GALNTL5: variants seen among roughly 807,000 people sequenced by gnomAD.
GALNTL5 encodes the protein polypeptide N-acetylgalactosaminyltransferase like 5.
Under a neutral mutation model 51.0 loss-of-function variants are expected in GALNTL5, and 44 were observed. That is an observed-to-expected ratio of 0.86 (90% CI 0.68 to 1.11). The LOEUF (loss-of-function observed/expected upper bound fraction) is 1.11. Among genes scored for constraint, GALNTL5 ranks in the 50% least tolerant of loss-of-function variants. The pLI, the probability that GALNTL5 is intolerant of heterozygous loss-of-function variation, is 0.00. For synonymous variants in GALNTL5, 192 were observed against 182.8 expected, an observed-to-expected ratio of 1.05 and a Z score of -0.41; for missense variants, 528 against 531.8, an observed-to-expected ratio of 0.99 and a Z score of 0.07.
rs116169216 is a variant in GALNTL5, at chr7:152,003,831, A to G, written c.908+868A>G. 6.3e-3 allele frequency among the ~76,000 whole-genome samples: 955 copies of G among 152,360 alleles called. 6 individuals carry two copies. Among genetic ancestry groups the G allele is most frequent in the African/African-American group, 0.022 (904 of 41,582 alleles). ...TTTGTAATATTTCCATATCTCACAT[A>G]TAAAACATTTTTAGGCTCTAATGTA... On this transcript the variant is annotated intron_variant, in intron 6 of 8. Transcript: ENST00000392800.
At chr7:151,998,908 G>A (rs1481987747) in intron 5 of GALNTL5, among the ~76,000 whole-genome samples, 2 of 151,712 alleles carry the variant, frequency 1.3e-5, no homozygotes, top group African/African-American at 2.4e-5. Context: ...TAAAATTGAG[G>A]CACGATTAAC....
intron 3 of GALNTL5, among the ~76,000 whole-genome samples, chr7:151,981,482 C>T (rs1352753824): frequency 6.6e-6 from 1 of 152,134 alleles, no homozygotes; most frequent in South Asian, 2.1e-4. Flanking sequence ...CCTTGAGGCT[C>T]CAGCTGCTGC....
intron 5 of GALNTL5, among the ~76,000 whole-genome samples, chr7:151,990,399 T>C (rs2081411894): frequency 6.6e-6 from 1 of 151,180 alleles, no homozygotes; most frequent in Non-Finnish European, 1.5e-5. Flanking sequence ...GCTAACACAG[T>C]GAAACCCCTT....
At chr7:151,998,065 G>A (rs1175603761) in intron 5 of GALNTL5, among the ~76,000 whole-genome samples, 2 of 151,928 alleles carry the variant, frequency 1.3e-5, no homozygotes, top group Non-Finnish European at 2.9e-5. Context: ...AAAAGTAGGC[G>A]AGTGTGTTGG....
At chr7:152,014,135 T>TAC (rs2081775075) in intron 7 of GALNTL5, among the ~76,000 whole-genome samples, 2 of 152,224 alleles carry the variant, frequency 1.3e-5, no homozygotes, top group Admixed American at 1.3e-4. Context: ...TTCTGTGTCA[T>TAC]TGGGCAAACT....
rs2081207674 is a variant in GALNTL5 at position 151,976,528 on chromosome 7, A to G, written c.368+5463A>G. ...CTTGTATATCCTTAAAGGGGAAGTG[A>G]GTTTCTTATAGGCAGCATCAGTTAG... On this transcript the variant is annotated intron_variant, in intron 3 of 8. Transcript: ENST00000392800. Among the ~76,000 whole-genome samples the G allele has an allele frequency of 2.6e-5, 4 of 151,892 alleles. No individual in the cohort carries two copies. The South Asian group carries it at 8.3e-4, about 32-fold the overall frequency.
chr7:152,003,678 T>C (rs1295747847), intron 6 of GALNTL5, among the ~76,000 whole-genome samples: 1 of 152,238 alleles, frequency 6.6e-6, no homozygotes, highest in African/African-American at 2.4e-5. Flanking sequence ...AAATGTAATA[T>C]GTAGAAATCT....
chr7:151,967,139 A>T, intron 1 of GALNTL5, 69 bp from the exon 2 acceptor site: 2 of 984,198 alleles, frequency 2.0e-6, no homozygotes, highest in Non-Finnish European at 3.0e-6. Context: ...AATGGAATTT[A>T]AGCCAAGTAG....
At chr7:151,976,019 C>G (rs1425229245) in intron 3 of GALNTL5, among the ~76,000 whole-genome samples, 1 of 152,060 alleles carries the variant, frequency 6.6e-6, no homozygotes, top group African/African-American at 2.4e-5. Context: ...TTCCATGTGC[C>G]TCAGAGAAGA....
intron 6 of GALNTL5, among the ~76,000 whole-genome samples, chr7:152,006,098 G>C (rs747313544): frequency 1.1e-4 from 16 of 152,306 alleles, no homozygotes; most frequent in Middle Eastern, 3.4e-3. Flanking sequence ...CAACCAGGGA[G>C]GGAGGAGAAG....
At chr7:151,959,364 A>G (rs1045811618) in intron 1 of GALNTL5, among the ~76,000 whole-genome samples, 1 of 152,014 alleles carries the variant, frequency 6.6e-6, no homozygotes, top group Non-Finnish European at 1.5e-5. Flanking sequence ...AAACAGCTTT[A>G]TTCTCTTTTC....
At chr7:151,983,201 G>A in intron 4 of GALNTL5, 49 bp downstream of exon 4, 1 of 1,456,810 alleles carries the variant, frequency 6.9e-7, no homozygotes. Flanking sequence ...TGTTGTTGTT[G>A]AGATTTCCCT....
intron 7 of GALNTL5, among the ~76,000 whole-genome samples, chr7:152,010,612 AC>A (rs1266043391): frequency 6.6e-6 from 1 of 151,986 alleles, no homozygotes; most frequent in Non-Finnish European, 1.5e-5. Context: ...TTCTAATAAT[AC>A]AAAAATTAGC....
rs1404717627 is a variant in GALNTL5 at position 151,967,204 on chromosome 7, T to A, written c.-39-4T>A. 1.3e-6 allele frequency: 2 copies of A among 1,574,782 alleles called. No homozygotes were observed. The highest frequency in any genetic ancestry group is 2.7e-5 in the African/African-American group (2 of 73,606). ...GCTGCTCCTCTTAAATCATTCTGATTTAGGAAATTGAAAAATGGACCTTTG... is the reference window on the plus strand; with the variant it reads ...GCTGCTCCTCTTAAATCATTCTGATATAGGAAATTGAAAAATGGACCTTTG... On this transcript the variant is annotated splice_polypyrimidine_tract_variant and splice_region_variant and intron_variant, in intron 1 of 8. Coordinates refer to ENST00000392800, the MANE Select transcript of GALNTL5 (RefSeq NM_145292.4).
rs780397899 is a variant in GALNTL5 at position 151,967,338 on chromosome 7, A to G, written c.92A>G (p.His31Arg). ...ALLFIYLHHN[H>R]VSSWQKKSQE... Reference sequence around the variant, plus strand: ...TTATTCATATATTTGCACCATAATCATGTGAGCAGCTGGCAGAAGAAAAGC... The same window carrying G: ...TTATTCATATATTTGCACCATAATCGTGTGAGCAGCTGGCAGAAGAAAAGC... The change falls in exon 2 of 9, where the codon CAT becomes CGT. Residue 31 changes from histidine to arginine, a missense_variant. Physicochemically the swap from His to Arg is conservative, Grantham distance 29. Coordinates refer to ENST00000392800, the MANE Select transcript of GALNTL5 (RefSeq NM_145292.4). 2 of 1,614,204 alleles carry G rather than the reference A, an allele frequency of 1.2e-6. No individual in the cohort carries two copies. Among genetic ancestry groups the G allele is most frequent in the Non-Finnish European group, 1.7e-6 (2 of 1,180,032 alleles).
chr7:151,999,176 T>A (rs1315604359), intron 5 of GALNTL5, among the ~76,000 whole-genome samples: 1 of 152,230 alleles, frequency 6.6e-6, no homozygotes, highest in Admixed American at 6.5e-5. Context: ...ATTTTTGAGG[T>A]TCATCCACAT....
At chr7:151,976,111 G>A (rs573837116) in intron 3 of GALNTL5, among the ~76,000 whole-genome samples, 2 of 152,284 alleles carry the variant, frequency 1.3e-5, no homozygotes, top group African/African-American at 4.8e-5. Flanking sequence ...TTGAAGCCCA[G>A]TATTTCCTTA....
intron 3 of GALNTL5, among the ~76,000 whole-genome samples, chr7:151,979,106 C>CCT (rs1554405638): frequency 0.012 from 836 of 71,126 alleles, 60 homozygotes; most frequent in Admixed American, 0.015. Flanking sequence ...TACTTTTACT[C>CCT]TTTTTTTTTT....
At chr7:152,009,564 C>T (rs2081701920) in intron 7 of GALNTL5, among the ~76,000 whole-genome samples, 1 of 152,322 alleles carries the variant, frequency 6.6e-6, no homozygotes, top group East Asian at 1.9e-4. Context: ...GCTTCTTACC[C>T]CATGTGCTCT....
Sources: allele counts gnomAD v4.1 joint callset (sites outside exome capture counted in the v4.1 genomes callset), GRCh38; gene constraint gnomAD v4.1.1; transcripts MANE v1.5; gene names NCBI Gene and HGNC (gene_info 2026-07-23, HGNC 2026-07-21).